SLC30A8: variants seen among roughly 807,000 people sequenced by gnomAD.
The protein encoded by SLC30A8 is proton-coupled zinc antiporter SLC30A8.
SLC30A8 carries 27 observed loss-of-function variants against 36.9 expected under a neutral mutation model. The ratio of observed to expected loss-of-function variants is 0.73; its 90% CI spans 0.54 to 1.01. SLC30A8 has a LOEUF of 1.01. Among genes scored for constraint, SLC30A8 ranks in the 50% least tolerant of loss-of-function variants. SLC30A8 has a pLI of 0.00. For synonymous variants in SLC30A8, 164 were observed against 172.4 expected (o/e 0.95, Z 0.38); for missense variants, 439 against 452.0 (o/e 0.97, Z 0.26).
intron 2 of SLC30A8, among the ~76,000 whole-genome samples, chr8:117,121,589 C>T (rs1360001178): frequency 6.6e-6 from 1 of 151,852 alleles, no homozygotes; most frequent in Non-Finnish European, 1.5e-5. Flanking sequence ...AACTGAATCA[C>T]CTCCCAAAGA....
At chr8:117,001,565 A>C (rs1816012410) in intron 1 of SLC30A8, among the ~76,000 whole-genome samples, 1 of 152,176 alleles carries the variant, frequency 6.6e-6, no homozygotes, top group South Asian at 2.1e-4. Context: ...TTCTAAAATG[A>C]TGGTAATTAT....
chr8:117,171,301 C>A (rs1394654018), intron 7 of SLC30A8, 133 bp downstream of exon 7: 1 of 1,034,242 alleles, frequency 9.7e-7, no homozygotes, highest in Non-Finnish European at 1.5e-6. Context: ...TTTCTATTAC[C>A]AAGGGCCTTT....
intron 1 of SLC30A8, among the ~76,000 whole-genome samples, chr8:116,980,359 G>A (rs1815210534): frequency 1.3e-5 from 2 of 152,136 alleles, no homozygotes. Context: ...GGAGGGGACT[G>A]AGGTAGCAGG....
At chr8:117,048,190 G>A (rs7016222) in intron 2 of SLC30A8, among the ~76,000 whole-genome samples, 1,775 of 152,234 alleles carry the variant, frequency 0.012, 47 homozygotes, top group African/African-American at 0.04. Context: ...GGTCTGGATT[G>A]GGACCCCTTT....
At chr8:116,985,834 G>A (rs1167750331) in intron 1 of SLC30A8, among the ~76,000 whole-genome samples, 2 of 151,930 alleles carry the variant, frequency 1.3e-5, no homozygotes, top group East Asian at 3.8e-4. Flanking sequence ...ATAGATTTAA[G>A]ACATGGGGTG....
intron 2 of SLC30A8, among the ~76,000 whole-genome samples, chr8:117,040,445 G>T (rs1487849556): frequency 6.6e-6 from 1 of 152,136 alleles, no homozygotes; most frequent in Non-Finnish European, 1.5e-5. Context: ...TTTGTACTTA[G>T]CCAAGATGCA....
intron 1 of SLC30A8, chr8:116,951,198 C>T (rs895402122): frequency 2.6e-5 from 4 of 152,162 alleles, no homozygotes; most frequent in Non-Finnish European, 5.9e-5. Context: ...TCATAATCAT[C>T]TTTAAGATTC....
intron 2 of SLC30A8, among the ~76,000 whole-genome samples, chr8:117,085,106 C>T (rs1376639657): frequency 6.6e-6 from 1 of 152,082 alleles, no homozygotes; most frequent in Non-Finnish European, 1.5e-5. Flanking sequence ...ACAAAATCTT[C>T]ATTTTTCCCT....
Position 116,955,604 on chromosome 8 carries a change from C to T in SLC30A8, c.-266+4485C>T, listed in dbSNP as rs570289026. Among the ~76,000 whole-genome samples, 298 of 151,948 alleles carry T rather than the reference C, an allele frequency of 2.0e-3. 4 individuals are homozygous for T. Among genetic ancestry groups the T allele is most frequent in the African/African-American group, 6.7e-3 (278 of 41,422 alleles). ...AATTAGCCAGACGTGATGGTGCATG[C>T]CTATAGTTGCAGCTACTTGGGAGGC... is the stretch of plus-strand genomic sequence containing the variant. On this transcript the variant is annotated intron_variant, in intron 1 of 10. Transcript: ENST00000427715.
intron 1 of SLC30A8, among the ~76,000 whole-genome samples, chr8:116,989,780 C>T (rs1815569134): frequency 6.6e-6 from 1 of 152,162 alleles, no homozygotes. Context: ...AAGTAAAACC[C>T]CACCTGGAAA....
At chr8:117,069,588 G>A (rs1464255690) in intron 2 of SLC30A8, among the ~76,000 whole-genome samples, 1 of 152,206 alleles carries the variant, frequency 6.6e-6, no homozygotes, top group Admixed American at 6.5e-5. Flanking sequence ...GATAATACAT[G>A]TCTAAGTATT....
intron 2 of SLC30A8, among the ~76,000 whole-genome samples, chr8:117,151,184 C>G (rs1822168229): frequency 1.3e-5 from 2 of 152,102 alleles, no homozygotes; most frequent in South Asian, 4.1e-4. Context: ...AATTCTTACC[C>G]CTCTCTTTGT....
chr8:117,108,966 C>T (rs1174079064), intron 2 of SLC30A8, among the ~76,000 whole-genome samples: 4 of 152,156 alleles, frequency 2.6e-5, no homozygotes, highest in Non-Finnish European at 5.9e-5. Flanking sequence ...GCTAGTTTTG[C>T]TCTCTGGCAG....
At chr8:116,961,563 G>A (rs1814424605) in intron 1 of SLC30A8, among the ~76,000 whole-genome samples, 1 of 152,034 alleles carries the variant, frequency 6.6e-6, no homozygotes, top group South Asian at 2.1e-4. Flanking sequence ...AGTGGAGCAA[G>A]TTTAGGGTCT....
At chr8:117,023,250 G>A (rs1334087628) in intron 1 of SLC30A8, among the ~76,000 whole-genome samples, 1 of 152,176 alleles carries the variant, frequency 6.6e-6, no homozygotes, top group Admixed American at 6.5e-5. Context: ...TGGAGAAAGA[G>A]GAACACTTTT....
intron 1 of SLC30A8, among the ~76,000 whole-genome samples, chr8:117,022,131 C>T (rs1307263766): frequency 5.9e-5 from 9 of 151,376 alleles, no homozygotes; most frequent in East Asian, 1.9e-4. Context: ...ACCCAGGAGG[C>T]GGAGCTTGCA....
chr8:116,967,228 C>CA (rs1365643698), intron 1 of SLC30A8, among the ~76,000 whole-genome samples: 1 of 151,936 alleles, frequency 6.6e-6, no homozygotes, highest in East Asian at 1.9e-4. Flanking sequence ...TTTAAAAACA[C>CA]AAACAAAACC....
At chr8:116,969,865 T>C (rs573046373) in intron 1 of SLC30A8, among the ~76,000 whole-genome samples, 6 of 152,194 alleles carry the variant, frequency 3.9e-5, no homozygotes, top group African/African-American at 1.4e-4. Context: ...AGTGAGTGAG[T>C]GGTGAGTGAA....
chr8:117,126,849 G>A (rs1207433101), intron 2 of SLC30A8, among the ~76,000 whole-genome samples: 1 of 152,040 alleles, frequency 6.6e-6, no homozygotes, highest in Non-Finnish European at 1.5e-5. Context: ...CTCACAGGGG[G>A]ATCTAAGAGG....
Sources: gnomAD v4.1 joint callset for allele counts (sites outside exome capture counted in the v4.1 genomes callset) on GRCh38, gnomAD v4.1.1 for gene constraint, MANE v1.5 for transcripts, NCBI Gene and HGNC (gene_info 2026-07-23, HGNC 2026-07-21) for gene names.